HBP1: variants seen among roughly 807,000 people sequenced by gnomAD.
HBP1 encodes the protein HMG-box transcription factor 1, also known as HMG box-containing protein 1.
In HBP1, 20 loss-of-function variants were observed where a neutral mutation model predicts 62.6. That is an observed-to-expected ratio of 0.32 (90% confidence interval 0.22 to 0.46). The LOEUF (loss-of-function observed/expected upper bound fraction) is 0.46, where lower values mean the gene tolerates loss of function less well. Ranked by LOEUF, HBP1 falls within the 20% of genes least tolerant of loss-of-function variation. HBP1 has a pLI of 1.00. For synonymous variants in HBP1, 232 were observed against 206.2 expected, an observed-to-expected ratio of 1.12 and a Z score of -1.07; for missense variants, 480 against 611.8, an observed-to-expected ratio of 0.78 and a Z score of 2.27.
intron 6 of HBP1, among the ~76,000 whole-genome samples, 199 bp from the exon 7 acceptor site, chr7:107,189,093 A>T (rs73415406): frequency 0.027 from 4,088 of 152,274 alleles, 185 homozygotes; most frequent in African/African-American, 0.091. Context: ...CATTATTTAT[A>T]CTTGAGTGTA....
At chr7:107,186,744 A>G in intron 6 of HBP1, 63 bp downstream of exon 6, 1 of 890,118 alleles carries the variant, frequency 1.1e-6, no homozygotes, top group Non-Finnish European at 1.8e-6. Flanking sequence ...ATTTATTGTT[A>G]ATCTACAGAA....
intron 1 of HBP1, among the ~76,000 whole-genome samples, chr7:107,175,549 ATAGTAGTAG>A (rs145285700): frequency 7.0e-4 from 106 of 151,728 alleles, no homozygotes; most frequent in Non-Finnish European, 7.4e-5. Flanking sequence ...ACCTTTCCAT[ATAGTAGTAG>A]TAGTAGTAGT....
chr7:107,194,422 C>T (rs983270393), intron 8 of HBP1, among the ~76,000 whole-genome samples: 10 of 152,162 alleles, frequency 6.6e-5, no homozygotes, highest in African/African-American at 2.2e-4. Context: ...AAACTGCAAA[C>T]CTAGAAAGCA....
intron 1 of HBP1, chr7:107,169,768 A>AG (rs757996366): frequency 5.8e-5 from 57 of 980,752 alleles, no homozygotes; most frequent in East Asian, 2.4e-4. Context: ...GGCTGAGCCG[A>AG]GGGGAAAAAC....
Position 107,201,625 on chromosome 7 carries a change from A to G in HBP1, c.*194A>G, listed in dbSNP as rs140869666. On this transcript the variant is annotated 3_prime_UTR_variant, in exon 11 of 11. Transcript: ENST00000222574. Reference sequence around the variant, plus strand: ...TCCATTAGAGCATTAAGCTAAAACTATCAACATTTTAAACCAAATTGCCTT... The same window carrying G: ...TCCATTAGAGCATTAAGCTAAAACTGTCAACATTTTAAACCAAATTGCCTT... 5.7e-4 allele frequency: 249 copies of G among 436,512 alleles called. 2 individuals carry two copies. The highest frequency in any genetic ancestry group is 2.5e-3 in the Middle Eastern group (5 of 2,008). 27.0% of individuals were successfully genotyped at this position (436,512 alleles called of 1,614,324 possible).
At position 107,188,824 on chromosome 7, in the gene HBP1, T is replaced by C. The variant is rs1257876770; in HGVS notation, c.766-468T>C. Among the ~76,000 whole-genome samples the C allele has an allele frequency of 2.6e-5, 4 of 152,318 alleles. No individual in the cohort carries two copies. The East Asian group carries it at 5.8e-4, about 22-fold the overall frequency. On this transcript the variant is annotated intron_variant, in intron 6 of 10. Transcript: ENST00000222574. ...TTTCCCAATACCTTCTAAGCAAAAA[T>C]TGTCAGTACTTTGCCTGTCTTTAAG... is the stretch of plus-strand genomic sequence containing the variant.
intron 1 of HBP1, chr7:107,170,036 A>G (rs1334735976): frequency 1.0e-6 from 1 of 985,340 alleles, no homozygotes; most frequent in East Asian, 1.1e-4. Context: ...CGTGCTGTCT[A>G]GGGTGTTTCA....
chr7:107,201,032 T>A (rs1340984671), intron 10 of HBP1: 1 of 164,698 alleles, frequency 6.1e-6, no homozygotes, highest in Non-Finnish European at 1.3e-5. Flanking sequence ...AAATTCATTG[T>A]GTACATGTGC....
At chr7:107,190,719 A>G (rs570477774) in intron 8 of HBP1, among the ~76,000 whole-genome samples, 2 of 152,290 alleles carry the variant, frequency 1.3e-5, no homozygotes, top group South Asian at 4.1e-4. Context: ...ATAATAGTTA[A>G]CTGTATCTTT....
chr7:107,189,209 A>G (rs534549907), intron 6 of HBP1, 83 bp from the exon 7 acceptor site: 1 of 1,181,708 alleles, frequency 8.5e-7, no homozygotes, highest in Admixed American at 2.3e-5. Flanking sequence ...TACCTTTTCC[A>G]CAAAGTCTTA....
intron 1 of HBP1, among the ~76,000 whole-genome samples, chr7:107,173,259 C>G (rs1004235567): frequency 6.6e-6 from 1 of 152,158 alleles, no homozygotes; most frequent in Non-Finnish European, 1.5e-5. Flanking sequence ...CTTTTCTTCA[C>G]CTACTCTTTG....
chr7:107,196,699 G>A (rs1562900535), intron 9 of HBP1: 1 of 174,966 alleles, frequency 5.7e-6, no homozygotes, highest in East Asian at 1.7e-4. Flanking sequence ...CCATAGCCCA[G>A]GCTGCAGTAC....
rs546977524 is a variant in HBP1, at chr7:107,184,025, T to C, written c.398+1424T>C. ...TGTTAGTGTTTGGACGTGTTTAGCA[T>C]GTTAATTTTCACAGAGTATTTAGGC... is the stretch of plus-strand genomic sequence containing the variant. On this transcript the variant is annotated intron_variant, in intron 3 of 10. Coordinates refer to ENST00000222574, the MANE Select transcript of HBP1 (RefSeq NM_012257.4). Among the ~76,000 whole-genome samples the C allele has an allele frequency of 7.2e-5, 11 of 152,358 alleles. 1 individual carries two copies. The South Asian group carries it at 2.1e-3, about 29-fold the overall frequency.
chr7:107,180,594 T>C (rs909530896), intron 2 of HBP1, among the ~76,000 whole-genome samples: 1 of 152,248 alleles, frequency 6.6e-6, no homozygotes. Context: ...ATGAGTCACC[T>C]TGGCTTGCTG....
chr7:107,196,061 A>G lies in HBP1; in HGVS notation c.1295A>G (p.Asn432Ser). 1 of 1,613,628 alleles carries G rather than the reference A, an allele frequency of 6.2e-7. No individual in the cohort carries two copies. Among genetic ancestry groups the G allele is most frequent in the Non-Finnish European group, 8.5e-7 (1 of 1,179,510 alleles). Reference sequence around the variant, plus strand: ...GGGACTGTGAGTGCCACTTCTCCTAATAAGTGCAAAAGACCAATGAATGCC... The same window carrying G: ...GGGACTGTGAGTGCCACTTCTCCTAGTAAGTGCAAAAGACCAATGAATGCC... ...SSGTVSATSP[N>S]KCKRPMNAFM... The change falls in exon 9 of 11, where the codon AAT (asparagine) becomes AGT (serine). Residue 432 changes from asparagine (N) to serine (S), a missense_variant. Physicochemically the swap from Asn to Ser is conservative, Grantham distance 46. Transcript: ENST00000222574.
chr7:107,174,740 A>T, intron 1 of HBP1: 1 of 980,068 alleles, frequency 1.0e-6, no homozygotes, highest in Non-Finnish European at 1.2e-6. Context: ...AAATTTCATA[A>T]TAAAGGTAAA....
chr7:107,169,146 C>T lies in HBP1; in HGVS notation c.-55C>T, dbSNP rs1436181768. The T allele has an allele frequency of 1.3e-4, 156 of 1,169,454 alleles. No individual in the cohort carries two copies. Among genetic ancestry groups the T allele is most frequent in the Non-Finnish European group, 1.6e-4 (147 of 929,256 alleles). 72.4% of individuals were successfully genotyped at this position (1,169,454 alleles called of 1,614,324 possible). ...GAGCTGCTGGTGGTGTTGTCGTGGC[C>T]GGAGCGGCCCGCGCCTGGGCTGCCG... On this transcript the variant is annotated 5_prime_UTR_variant, in exon 1 of 11. Coordinates refer to ENST00000222574, the MANE Select transcript of HBP1 (RefSeq NM_012257.4).
chr7:107,169,752 C>A lies in HBP1; in HGVS notation c.-16+567C>A, dbSNP rs539756461. 5 of 984,274 alleles carry A rather than the reference C, an allele frequency of 5.1e-6. No individual in the cohort carries two copies. The African/African-American group carries it at 7.1e-5, about 14-fold the overall frequency. 61.0% of individuals were successfully genotyped at this position (984,274 alleles called of 1,614,324 possible). A position where few individuals can be genotyped will look rare whatever the true frequency, so the allele number is the denominator to read the frequency against. ...ATGAATGGGCTCCCAGGCGCCTGCG[C>A]GCTGGGGCTGAGCCGAGGGGAAAAA... On this transcript the variant is annotated intron_variant, in intron 1 of 10. Coordinates refer to ENST00000222574, the MANE Select transcript of HBP1 (RefSeq NM_012257.4).
intron 1 of HBP1, among the ~76,000 whole-genome samples, chr7:107,175,301 AT>A (rs1395281009): frequency 6.6e-6 from 1 of 152,040 alleles, no homozygotes; most frequent in East Asian, 1.9e-4. Context: ...GTTAGGCTCT[AT>A]TCTGAGCATT....
Sources: gnomAD v4.1 joint callset for allele counts (sites outside exome capture counted in the v4.1 genomes callset) on GRCh38, gnomAD v4.1.1 for gene constraint, MANE v1.5 for transcripts, NCBI Gene and HGNC (gene_info 2026-07-23, HGNC 2026-07-21) for gene names.